Variants in SBF2 observed in about 807,000 individuals in gnomAD.
SBF2 encodes myotubularin-related protein 13.
SBF2 carries 112 observed loss-of-function variants against 225.2 expected under a neutral mutation model. The ratio of observed to expected loss-of-function variants is 0.50; its 90% CI spans 0.43 to 0.58. The LOEUF is 0.58. SBF2 is among the 20% of genes least tolerant of loss of function. The pLI, the probability that SBF2 is intolerant of heterozygous loss-of-function variation, is 0.00. For synonymous variants in SBF2, 763 were observed against 773.3 expected (o/e 0.99, Z 0.22); for missense variants, 1,996 against 2,206.2 (o/e 0.90, Z 1.91).
intron 16 of SBF2, among the ~76,000 whole-genome samples, chr11:9,927,306 A>G (rs1864130638): frequency 6.6e-6 from 1 of 152,228 alleles, no homozygotes; most frequent in African/African-American, 2.4e-5. Context: ...TCCACCAAAT[A>G]TTTAAGGAAG....
At chr11:10,279,245 C>T (rs1480707688) in intron 1 of SBF2, among the ~76,000 whole-genome samples, 1 of 151,168 alleles carries the variant, frequency 6.6e-6, no homozygotes, top group South Asian at 2.1e-4. Flanking sequence ...AACCCCATCT[C>T]TACTAAAAAT....
intron 17 of SBF2, among the ~76,000 whole-genome samples, chr11:9,866,291 C>T (rs973942087): frequency 5.3e-5 from 8 of 151,592 alleles, no homozygotes; most frequent in African/African-American, 1.9e-4. Context: ...GAAAAAAAAA[C>T]AAAGCTGGAA....
chr11:10,098,474 T>TA (rs1952127502), intron 2 of SBF2, among the ~76,000 whole-genome samples: 3 of 94,336 alleles, frequency 3.2e-5, no homozygotes, highest in African/African-American at 8.7e-5. Flanking sequence ...TCAAGGAAAA[T>TA]TAAAAAAAAA....
At chr11:10,264,964 C>A (rs1245534449) in intron 1 of SBF2, among the ~76,000 whole-genome samples, 1 of 152,134 alleles carries the variant, frequency 6.6e-6, no homozygotes, top group African/African-American at 2.4e-5. Flanking sequence ...GCCACATTTT[C>A]TTTATCCAGT....
At chr11:9,839,967 T>C (rs1308795721) in intron 25 of SBF2, among the ~76,000 whole-genome samples, 1 of 152,254 alleles carries the variant, frequency 6.6e-6, no homozygotes, top group African/African-American at 2.4e-5. Context: ...CTGGGTGTGG[T>C]GGCTCACGCC....
At chr11:10,150,967 G>A (rs992755680) in intron 2 of SBF2, among the ~76,000 whole-genome samples, 1 of 152,074 alleles carries the variant, frequency 6.6e-6, no homozygotes, top group Non-Finnish European at 1.5e-5. Flanking sequence ...TAAACCTTCT[G>A]GAATTGGCAT....
chr11:9,837,520 C>T lies in SBF2; in HGVS notation c.3455+1978G>A, dbSNP rs561541483. Among the ~76,000 whole-genome samples the T allele has an allele frequency of 5.3e-5, 8 of 152,292 alleles. No individual in the cohort carries two copies. The East Asian group carries it at 1.5e-3, about 29-fold the overall frequency. The stretch of plus-strand genomic sequence containing the variant: ...TCAGATGTGAAACCAGTACTCTATT[C>T]CTACAATAAACTCCACTTGATCTTA... On this transcript the variant is annotated intron_variant, in intron 26 of 39. Coordinates refer to ENST00000256190, the MANE Select transcript of SBF2 (RefSeq NM_030962.4).
At chr11:10,187,247 G>A (rs951545257) in intron 2 of SBF2, among the ~76,000 whole-genome samples, 6 of 151,086 alleles carry the variant, frequency 4.0e-5, no homozygotes, top group African/African-American at 1.5e-4. Flanking sequence ...TTTTTCTGTA[G>A]GTGATTTAAT....
At chr11:10,192,612 T>C (rs1344528749) in intron 2 of SBF2, among the ~76,000 whole-genome samples, 3 of 152,228 alleles carry the variant, frequency 2.0e-5, no homozygotes, top group Admixed American at 1.3e-4. Context: ...TTTTCCACTT[T>C]ATCTTTACAA....
upstream of SBF2, among the ~76,000 whole-genome samples, chr11:10,299,087 G>A (rs558600462): frequency 6.6e-6 from 1 of 152,206 alleles, no homozygotes; most frequent in East Asian, 1.9e-4. Context: ...GCCTGTAATC[G>A]CAGCACTTTG....
At chr11:9,889,424 C>T (rs929007548) in intron 17 of SBF2, among the ~76,000 whole-genome samples, 8 of 151,964 alleles carry the variant, frequency 5.3e-5, no homozygotes, top group Admixed American at 1.3e-4. Context: ...TGGGTCTTTA[C>T]GTAGAATGTA....
intron 2 of SBF2, among the ~76,000 whole-genome samples, chr11:10,118,097 A>T (rs1953248674): frequency 6.6e-6 from 1 of 152,204 alleles, no homozygotes; most frequent in Non-Finnish European, 1.5e-5. Flanking sequence ...GCCTTGATTC[A>T]TTATTAGAAT....
At chr11:10,029,396 T>C (rs897090286) in intron 5 of SBF2, among the ~76,000 whole-genome samples, 7 of 152,196 alleles carry the variant, frequency 4.6e-5, no homozygotes, top group Non-Finnish European at 1.5e-5. Flanking sequence ...ATGTTTCAAT[T>C]TAGGTTAATA....
intron 6 of SBF2, among the ~76,000 whole-genome samples, chr11:10,011,156 T>A (rs1381005405): frequency 6.6e-6 from 1 of 152,202 alleles, no homozygotes; most frequent in Non-Finnish European, 1.5e-5. Flanking sequence ...TCTAGTGTTG[T>A]TTGTTCGTGT....
At position 10,028,440 on chromosome 11, in the gene SBF2, G is replaced by C; in HGVS notation, c.619+12C>G. ...CTACAAGATGACATTGAAAATGGGA[G>C]AAAAGACATACCCAATTGCTGGAAC... On this transcript the variant is annotated intron_variant, in intron 6 of 39. Coordinates refer to ENST00000256190, the MANE Select transcript of SBF2 (RefSeq NM_030962.4). 1 of 1,541,726 alleles carries C rather than the reference G, an allele frequency of 6.5e-7. No homozygotes were observed. Among genetic ancestry groups the C allele is most frequent in the Non-Finnish European group, 9.0e-7 (1 of 1,113,958 alleles).
rs747173406 is a variant in SBF2 at position 9,850,226 on chromosome 11, C to A, written c.2611-8G>T. On this transcript the variant is annotated splice_region_variant and splice_polypyrimidine_tract_variant and intron_variant, in intron 21 of 39. Transcript: ENST00000256190. ...AGGTCTAAGAATCTTGGGCTTACAA[C>A]AGAAAAAGATTGATTGATTGATTGA... is the stretch of plus-strand genomic sequence containing the variant. The A allele has an allele frequency of 1.2e-6, 2 of 1,611,794 alleles. No homozygotes were observed. The highest frequency in any genetic ancestry group is 3.3e-5 in the Admixed American group (2 of 59,940).
Position 9,854,807 on chromosome 11 carries a change from T to C in SBF2, c.2364-1095A>G, listed in dbSNP as rs772648383. Among the ~76,000 whole-genome samples, 28 of 152,214 alleles carry C rather than the reference T, an allele frequency of 1.8e-4. No individual in the cohort carries two copies. In the Middle Eastern group the frequency reaches 0.01, roughly 55 times the overall value. On this transcript the variant is annotated intron_variant, in intron 19 of 39. Coordinates refer to ENST00000256190, the MANE Select transcript of SBF2 (RefSeq NM_030962.4). ...GGTCTCACTATGTTGCCCAGGCTGG[T>C]CTTGAATTCCTGGCCTCAAGCAATC...
chr11:10,215,119 C>G (rs769366031), intron 1 of SBF2, among the ~76,000 whole-genome samples: 17 of 152,160 alleles, frequency 1.1e-4, no homozygotes, highest in Non-Finnish European at 1.8e-4. Context: ...AAACTACTAG[C>G]TCAGAGCCAT....
rs1015199921 is a variant in SBF2, at chr11:9,779,194, C to T, written c.*1224G>A. On this transcript the variant is annotated 3_prime_UTR_variant, in exon 40 of 40. Coordinates refer to ENST00000256190, the MANE Select transcript of SBF2 (RefSeq NM_030962.4). The stretch of plus-strand genomic sequence containing the variant: ...CATTATTGAAATCTTATGAATGCAT[C>T]AGTTAATTTATATTAAATTATAAGC... 1.9e-4 allele frequency: 29 copies of T among 152,502 alleles called. No homozygotes were observed. The highest frequency in any genetic ancestry group is 8.8e-5 in the Non-Finnish European group (6 of 68,020). 9.4% of individuals were successfully genotyped at this position (152,502 alleles called of 1,614,324 possible).
Sources: gnomAD v4.1 joint callset for allele counts (sites outside exome capture counted in the v4.1 genomes callset) on GRCh38, gnomAD v4.1.1 for gene constraint, MANE v1.5 for transcripts, NCBI Gene and HGNC (gene_info 2026-07-23, HGNC 2026-07-21) for gene names.